Variants in EXPH5 observed in about 807,000 individuals in gnomAD.
The protein encoded by EXPH5 is exophilin 5, also known as exophilin-5.
A neutral mutation model predicts 41.1 loss-of-function variants in EXPH5; 42 were observed. That is an observed-to-expected ratio of 1.02 (90% CI 0.80 to 1.32). The LOEUF is 1.32. EXPH5 is among the 40% of genes most tolerant of loss of function. The pLI is 0.00. For missense variants in EXPH5, 2,298 were observed against 2,314.5 expected (o/e 0.99, Z 0.15); for synonymous variants, 798 against 833.5 (o/e 0.96, Z 0.73).
chr11:108,509,669 T>C lies in EXPH5; in HGVS notation c.5838A>G (p.Pro1946=), dbSNP rs764555586. The change falls in exon 6 of 6, where the codon CCA becomes CCG. Residue 1946 remains proline (P), a synonymous_variant. Transcript: ENST00000265843. ...GTTCACTTGGAGATAAGCCATCTTCTGGCACCTGACTACTGGGAGAATTTG... is the reference window on the plus strand; with the variant it reads ...GTTCACTTGGAGATAAGCCATCTTCCGGCACCTGACTACTGGGAGAATTTG... The part of the protein sequence containing the change: ...LSSNSPSSQV[P]EDGLSPSEPL... 2 of 1,614,038 alleles carry C rather than the reference T, an allele frequency of 1.2e-6. No individual in the cohort carries two copies. Among genetic ancestry groups the C allele is most frequent in the Admixed American group, 3.3e-5 (2 of 60,000 alleles).
At chr11:108,565,976 GA>G (rs1323210658) in intron 1 of EXPH5, among the ~76,000 whole-genome samples, 10 of 151,880 alleles carry the variant, frequency 6.6e-5, no homozygotes, top group African/African-American at 1.2e-4. Context: ...TTCAAGTGAG[GA>G]AAAAAAATCC....
chr11:108,559,301 A>G (rs758859405), intron 1 of EXPH5, among the ~76,000 whole-genome samples: 10 of 152,236 alleles, frequency 6.6e-5, no homozygotes, highest in Non-Finnish European at 1.3e-4. Context: ...ATTCCCCTTT[A>G]TACAGATGCT....
Position 108,511,718 on chromosome 11 carries a change from T to C in EXPH5, c.3789A>G (p.Lys1263=), listed in dbSNP as rs1404127742. 6.2e-7 allele frequency: 1 copy of C among 1,608,470 alleles called. No individual in the cohort carries two copies. The highest frequency in any genetic ancestry group is 1.1e-5 in the South Asian group (1 of 89,616). ...TATACTGTTGAAGGAGGTTACAGAA[T>C]TTTTTGCTGGGTTTCCTCGGTAGAG... ...YYTLPRKPSK[K]FCNLLQQYTQ... The change falls in exon 6 of 6, where the codon AAA becomes AAG. Residue 1263 remains lysine (K), a synonymous_variant. Transcript: ENST00000265843.
At chr11:108,544,787 T>C (rs1262633925) in intron 1 of EXPH5, among the ~76,000 whole-genome samples, 3 of 152,210 alleles carry the variant, frequency 2.0e-5, no homozygotes, top group South Asian at 2.1e-4. Flanking sequence ...ACAACATTTA[T>C]CTATGATTAT....
intron 1 of EXPH5, among the ~76,000 whole-genome samples, chr11:108,545,020 T>A (rs2093931308): frequency 6.6e-6 from 1 of 152,220 alleles, no homozygotes; most frequent in Non-Finnish European, 1.5e-5. Flanking sequence ...CATTATTTTT[T>A]TTTTGGAGAC....
At chr11:108,520,227 G>C (rs909513670) in intron 4 of EXPH5, among the ~76,000 whole-genome samples, 3 of 152,302 alleles carry the variant, frequency 2.0e-5, no homozygotes, top group Admixed American at 6.5e-5. Context: ...AGGGATCTAG[G>C]TTGTGCTTTC....
At chr11:108,590,588 A>G (rs1202472483) in intron 1 of EXPH5, among the ~76,000 whole-genome samples, 1 of 152,054 alleles carries the variant, frequency 6.6e-6, no homozygotes, top group African/African-American at 2.4e-5. Flanking sequence ...CTACCCTCAC[A>G]CCTATCTCAG....
chr11:108,510,348 G>A lies in EXPH5; in HGVS notation c.5159C>T (p.Thr1720Ile), dbSNP rs755367080. ...PSKHENSKDV[T>I]AAQNLVRESG... is the part of the protein sequence containing the mutation. ...TTCTCTTACTAAATTCTGAGCTGCT[G>A]TGACGTCTTTAGAATTCTCATGCTT... is the stretch of plus-strand genomic sequence containing the variant. Residue 1720 changes from threonine to isoleucine, a missense_variant, in exon 6 of 6, where the codon ACA becomes ATA. Transcript: ENST00000265843. 4 of 1,614,172 alleles carry A rather than the reference G, an allele frequency of 2.5e-6. No individual in the cohort carries two copies. Among genetic ancestry groups the A allele is most frequent in the Non-Finnish European group, 3.4e-6 (4 of 1,180,020 alleles).
At chr11:108,558,509 T>G (rs2093999149) in intron 1 of EXPH5, among the ~76,000 whole-genome samples, 1 of 152,232 alleles carries the variant, frequency 6.6e-6, no homozygotes, top group Non-Finnish European at 1.5e-5. Flanking sequence ...TAACTCTGTC[T>G]CCCTTGGGCC....
Position 108,506,193 on chromosome 11 carries a change from CT to C in EXPH5, c.*3343del, listed in dbSNP as rs1311802081. ...AAACAAGTTATGAATATAAAAATGA[CT>C]ATTATAAGTTACCATAGCTATACCA... is the stretch of plus-strand genomic sequence containing the variant. On this transcript the variant is annotated 3_prime_UTR_variant, in exon 6 of 6. Transcript: ENST00000265843. The C allele has an allele frequency of 1.3e-5, 2 of 151,946 alleles. No individual in the cohort carries two copies. Among genetic ancestry groups the C allele is most frequent in the African/African-American group, 4.8e-5 (2 of 41,356 alleles). The allele number at this position is 151,946 out of a possible 1,614,324, so 9.4% of individuals were successfully genotyped here.
At chr11:108,568,179 AGG>A (rs1200582933) in intron 1 of EXPH5, 1 of 114,900 alleles carries the variant, frequency 8.7e-6, no homozygotes, top group African/African-American at 3.1e-5. Context: ...TTTTTTTGGG[AGG>A]GGGGGAGGGC....
chr11:108,597,203 T>G (rs1410389844), upstream of EXPH5, among the ~76,000 whole-genome samples: 1 of 151,898 alleles, frequency 6.6e-6, no homozygotes. Flanking sequence ...TTATTTTTAT[T>G]TTTATTTTTC....
At chr11:108,571,447 C>T (rs2136100263) in intron 1 of EXPH5, among the ~76,000 whole-genome samples, 1 of 152,294 alleles carries the variant, frequency 6.6e-6, no homozygotes. Context: ...CTCCTTGATG[C>T]ACTCCCCATG....
intron 4 of EXPH5, among the ~76,000 whole-genome samples, chr11:108,524,356 G>T (rs985486980): frequency 3.9e-5 from 6 of 152,324 alleles, no homozygotes; most frequent in African/African-American, 1.2e-4. Context: ...CATTTAGAAT[G>T]ATGTCTAGCA....
Position 108,509,505 on chromosome 11 carries a change from T to A in EXPH5, c.*32A>T. ...CCTTAGTTCCATTATAAGCTTTTGG[T>A]GAAAAAAGTAAAGCATTTTATTGAA... On this transcript the variant is annotated 3_prime_UTR_variant, in exon 6 of 6. Transcript: ENST00000265843. 6.6e-7 allele frequency: 1 copy of A among 1,524,260 alleles called. No individual in the cohort carries two copies. The highest frequency in any genetic ancestry group is 1.3e-5 in the South Asian group (1 of 74,448). 94.4% of individuals were successfully genotyped at this position (1,524,260 alleles called of 1,614,324 possible).
In EXPH5 at chr11:108,510,484, T is replaced by A. The variant is rs186095969; in HGVS notation, c.5023A>T (p.Ile1675Phe). 6.8e-6 allele frequency: 11 copies of A among 1,614,124 alleles called. No individual in the cohort carries two copies. The East Asian group carries it at 2.5e-4, about 36-fold the overall frequency. Residue 1675 changes from isoleucine (I) to phenylalanine (F), a missense_variant, in exon 6 of 6, where the codon ATT becomes TTT. Physicochemically the swap from Ile to Phe is conservative, Grantham distance 21. Transcript: ENST00000265843. ...HVKKSENLLP[I>F]TVLPNREPST... ...GGTTCTCTGTTGGGTAGTACAGTAA[T>A]GGGGAGAAGGTTCTCGGATTTCTTC...
Position 108,539,162 on chromosome 11 carries a change from C to A in EXPH5, c.305G>T (p.Arg102Ile), listed in dbSNP as rs375583129. The A allele has an allele frequency of 1.0e-5, 16 of 1,602,120 alleles. No homozygotes were observed. The African/African-American group carries it at 2.0e-4, about 20-fold the overall frequency. ...KNDPIELPTS[R>I]SKNVTNQKKP... ...TTTTTGATTAGTTACATTTTTAGAT[C>A]TTGATGTAGGTAATTCTATCGGATC... Residue 102 changes from arginine (R) to isoleucine (I), a missense_variant, in exon 3 of 6, where the codon AGA becomes ATA. By Grantham distance (97) the Arg-to-Ile change is moderately conservative. Coordinates refer to ENST00000265843, the MANE Select transcript of EXPH5 (RefSeq NM_015065.3).
chr11:108,575,272 C>G (rs943937778), intron 1 of EXPH5, among the ~76,000 whole-genome samples: 6 of 152,122 alleles, frequency 3.9e-5, no homozygotes, highest in African/African-American at 1.4e-4. Context: ...AGAAAGGATT[C>G]GTTAAAACAA....
At chr11:108,523,062 G>C (rs1467379341) in intron 4 of EXPH5, among the ~76,000 whole-genome samples, 1 of 151,874 alleles carries the variant, frequency 6.6e-6, no homozygotes, top group Non-Finnish European at 1.5e-5. Context: ...ATTTTTTGTA[G>C]AAATGGGTTT....
Sources: gnomAD v4.1 joint callset for allele counts (sites outside exome capture counted in the v4.1 genomes callset) on GRCh38, gnomAD v4.1.1 for gene constraint, MANE v1.5 for transcripts, NCBI Gene and HGNC (gene_info 2026-07-23, HGNC 2026-07-21) for gene names.